Variants in KIAA0232 observed in about 807,000 individuals in gnomAD.
The protein encoded by KIAA0232 is uncharacterized protein KIAA0232.
Under a neutral mutation model 122.0 loss-of-function variants are expected in KIAA0232, and 27 were observed. The observed-to-expected ratio is 0.22, with a 90% CI of 0.16 to 0.31. The LOEUF is 0.31. Among genes scored for constraint, KIAA0232 ranks in the 10% least tolerant of loss-of-function variants. The pLI is 1.00. For synonymous variants in KIAA0232, 613 were observed against 587.6 expected (o/e 1.04, Z -0.63); for missense variants, 1,551 against 1,634.2 (o/e 0.95, Z 0.88).
chr4:6,874,742 G>A (rs751993136), intron 8 of KIAA0232, among the ~76,000 whole-genome samples: 1 of 152,160 alleles, frequency 6.6e-6, no homozygotes, highest in Non-Finnish European at 1.5e-5. Flanking sequence ...TGTATAAAAG[G>A]AGGCTAGAAG....
At chr4:6,792,793 C>A (rs899358776) in intron 1 of KIAA0232, among the ~76,000 whole-genome samples, 1 of 151,478 alleles carries the variant, frequency 6.6e-6, no homozygotes, top group African/African-American at 2.4e-5. Context: ...GGGTTCACGC[C>A]ATTCTCCTGC....
At chr4:6,790,239 A>C (rs548784295) in intron 1 of KIAA0232, among the ~76,000 whole-genome samples, 1 of 151,914 alleles carries the variant, frequency 6.6e-6, no homozygotes, top group Non-Finnish European at 1.5e-5. Context: ...GGCTTTCTCC[A>C]TATCTGTCTC....
At chr4:6,812,320 GT>G (rs2108978308) in intron 2 of KIAA0232, among the ~76,000 whole-genome samples, 1 of 152,298 alleles carries the variant, frequency 6.6e-6, no homozygotes, top group South Asian at 2.1e-4. Context: ...CACTTGAACT[GT>G]AGCTGGTGTG....
chr4:6,792,922 G>A lies in KIAA0232; in HGVS notation c.-354+10081G>A, dbSNP rs539622637. ...AGAATGGTCTCGATCTCCTGATCTC[G>A]TGATCCGCCTGCCTCAGCCTCCCAA... On this transcript the variant is annotated intron_variant, in intron 1 of 9. Transcript: ENST00000307659. 3.5e-4 allele frequency among the ~76,000 whole-genome samples: 53 copies of A among 151,994 alleles called. 1 individual carries two copies. The highest frequency in any genetic ancestry group is 6.2e-4 in the Non-Finnish European group (42 of 68,010).
At chr4:6,832,829 C>G (rs1719065129) in intron 3 of KIAA0232, among the ~76,000 whole-genome samples, 1 of 152,170 alleles carries the variant, frequency 6.6e-6, no homozygotes, top group South Asian at 2.1e-4. Context: ...ACCCCATAAT[C>G]ACACACTGGG....
chr4:6,842,566 G>T (rs564075116), intron 4 of KIAA0232, among the ~76,000 whole-genome samples: 2 of 150,790 alleles, frequency 1.3e-5, no homozygotes, highest in Non-Finnish European at 3.0e-5. Context: ...TTTATTACTG[G>T]ATGTTTACCT....
intron 1 of KIAA0232, among the ~76,000 whole-genome samples, chr4:6,790,313 G>GAATTGTTC (rs1238980872): frequency 6.9e-6 from 1 of 145,800 alleles, no homozygotes; most frequent in East Asian, 2.2e-4. Context: ...AATTATTTCA[G>GAATTGTTC]AATTGTTCAC....
At chr4:6,844,088 C>T (rs572830831) in intron 4 of KIAA0232, among the ~76,000 whole-genome samples, 11 of 151,510 alleles carry the variant, frequency 7.3e-5, no homozygotes, top group African/African-American at 2.4e-4. Context: ...TACAGGCGCC[C>T]GCCACCACGC....
At chr4:6,844,895 C>T (rs1307209975) in intron 4 of KIAA0232, among the ~76,000 whole-genome samples, 2 of 152,184 alleles carry the variant, frequency 1.3e-5, no homozygotes, top group Non-Finnish European at 2.9e-5. Context: ...GTAAAGGATA[C>T]AGGGATATCT....
chr4:6,825,514 C>A (rs1718630452), intron 3 of KIAA0232, among the ~76,000 whole-genome samples: 1 of 152,072 alleles, frequency 6.6e-6, no homozygotes. Flanking sequence ...ATGATTGCGC[C>A]ATTGCACTCC....
At chr4:6,783,252 G>A (rs1321071967) in intron 1 of KIAA0232, among the ~76,000 whole-genome samples, 2 of 152,214 alleles carry the variant, frequency 1.3e-5, no homozygotes, top group Non-Finnish European at 2.9e-5. Flanking sequence ...GGTGAGCTGT[G>A]GGCCCTGGGA....
chr4:6,824,466 T>C lies in KIAA0232; in HGVS notation c.13T>C (p.Cys5Arg). Residue 5 changes from cysteine (C) to arginine (R), a missense_variant, in exon 3 of 10, where the codon TGT becomes CGT. Transcript: ENST00000307659. Reference sequence around the variant, plus strand: ...GCAACCTAAATTCATGTACCCTATCTGTACAGTTGTTGTGGATGGTTTGCC... The same window carrying C: ...GCAACCTAAATTCATGTACCCTATCCGTACAGTTGTTGTGGATGGTTTGCC... Reference protein sequence around the residue: MYPICTVVVDGLPSE... With the variant: MYPIRTVVVDGLPSE... The C allele has an allele frequency of 6.2e-7, 1 of 1,613,722 alleles. No individual in the cohort carries two copies. The highest frequency in any genetic ancestry group is 8.5e-7 in the Non-Finnish European group (1 of 1,179,564).
At chr4:6,803,250 A>C (rs1717471282) in intron 1 of KIAA0232, among the ~76,000 whole-genome samples, 1 of 151,442 alleles carries the variant, frequency 6.6e-6, no homozygotes, top group African/African-American at 2.4e-5. Flanking sequence ...TATAAATTGA[A>C]GCCCAGCTCC....
intron 3 of KIAA0232, among the ~76,000 whole-genome samples, chr4:6,833,908 G>A (rs34411702): frequency 0.12 from 18,169 of 152,122 alleles, 1,555 homozygotes; most frequent in East Asian, 0.43. Flanking sequence ...CAGACCTGCA[G>A]TCTCCTGTTC....
Position 6,845,156 on chromosome 4 carries a change from G to T in KIAA0232, c.369+2952G>T, listed in dbSNP as rs1719884574. On this transcript the variant is annotated intron_variant, in intron 4 of 9. Coordinates refer to ENST00000307659, the MANE Select transcript of KIAA0232 (RefSeq NM_014743.3). ...TACTGTCCAACACCATTCATCTAGAGAGAGAATCTGATTGGCTGGGCTTGA... is the reference window on the plus strand; with the variant it reads ...TACTGTCCAACACCATTCATCTAGATAGAGAATCTGATTGGCTGGGCTTGA... 3.9e-5 allele frequency among the ~76,000 whole-genome samples: 6 copies of T among 152,304 alleles called. 1 individual carries two copies. The South Asian group carries it at 1.0e-3, about 26-fold the overall frequency.
chr4:6,853,464 A>C (rs1206356042), intron 4 of KIAA0232, among the ~76,000 whole-genome samples: 1 of 152,204 alleles, frequency 6.6e-6, no homozygotes, highest in African/African-American at 2.4e-5. Context: ...TTTGATAGGT[A>C]AATGATTTAT....
At chr4:6,854,928 G>A (rs1437993909) in intron 4 of KIAA0232, among the ~76,000 whole-genome samples, 2 of 152,100 alleles carry the variant, frequency 1.3e-5, no homozygotes, top group Non-Finnish European at 1.5e-5. Flanking sequence ...AATTGGGAAA[G>A]TGAATAAAAA....
intron 1 of KIAA0232, among the ~76,000 whole-genome samples, chr4:6,793,304 T>G (rs1324850141): frequency 6.6e-6 from 1 of 152,268 alleles, no homozygotes; most frequent in South Asian, 2.1e-4. Context: ...CCACACAGAG[T>G]CAGTATGTAT....
chr4:6,844,192 A>G (rs946976944), intron 4 of KIAA0232, among the ~76,000 whole-genome samples: 2 of 151,728 alleles, frequency 1.3e-5, no homozygotes, highest in African/African-American at 4.8e-5. Flanking sequence ...CGTCTGCCTC[A>G]GCCTCCCAAA....
Sources: allele counts gnomAD v4.1 joint callset (sites outside exome capture counted in the v4.1 genomes callset), GRCh38; gene constraint gnomAD v4.1.1; transcripts MANE v1.5; gene names NCBI Gene and HGNC (gene_info 2026-07-23, HGNC 2026-07-21).